The following LUC7L3 variants were observed in gnomAD, a reference collection of about 807,000 sequenced individuals.
The protein encoded by LUC7L3 is luc7-like protein 3.
A neutral mutation model predicts 66.8 loss-of-function variants in LUC7L3; 6 were observed. The observed-to-expected ratio is 0.09, with a 90% CI of 0.05 to 0.18. LUC7L3 has a LOEUF of 0.18. LUC7L3 is among the 10% of genes least tolerant of loss of function. The pLI is 1.00. For synonymous variants in LUC7L3, 160 were observed against 174.7 expected, an observed-to-expected ratio of 0.92 and a Z score of 0.66; for missense variants, 341 against 531.1, an observed-to-expected ratio of 0.64 and a Z score of 3.52.
intron 5 of LUC7L3, 132 bp downstream of exon 5, chr17:50,741,863 T>C: frequency 1.6e-6 from 1 of 630,350 alleles, no homozygotes; most frequent in South Asian, 2.2e-5. Context: ...GGCGGGAGGA[T>C]TGCTTGAGCC....
intron 1 of LUC7L3, among the ~76,000 whole-genome samples, chr17:50,725,759 A>G (rs1393225504): frequency 6.6e-6 from 1 of 152,240 alleles, no homozygotes; most frequent in Non-Finnish European, 1.5e-5. Context: ...AAAATTTAAG[A>G]AAAGATAAGT....
chr17:50,749,565 C>T (rs761356315), intron 9 of LUC7L3, among the ~76,000 whole-genome samples: 4 of 152,154 alleles, frequency 2.6e-5, no homozygotes, highest in East Asian at 1.9e-4. Flanking sequence ...TTTGGTGTTA[C>T]GTCTTCATAA....
At position 50,745,842 on chromosome 17, in the gene LUC7L3, A is replaced by G. The variant is rs1379230572; in HGVS notation, c.816A>G (p.Arg272=). The G allele has an allele frequency of 6.3e-7, 1 of 1,590,616 alleles. No individual in the cohort carries two copies. The highest frequency in any genetic ancestry group is 8.6e-7 in the Non-Finnish European group (1 of 1,162,934). Residue 272 remains arginine (R), a synonymous_variant, in exon 8 of 10, where the codon AGA becomes AGG. Transcript: ENST00000505658. ...EREREERERK[R]RREEEEREKE... is the part of the protein sequence containing the mutation. ...AAAGGGAAGAAAGAGAAAGGAAAAGACGAAGGGAAGAGGAAGAAAGAGAAA... is the reference window on the plus strand; with the variant it reads ...AAAGGGAAGAAAGAGAAAGGAAAAGGCGAAGGGAAGAGGAAGAAAGAGAAA...
At chr17:50,741,002 G>GC (rs1970316319) in intron 3 of LUC7L3, 100 bp from the exon 4 acceptor site, 1 of 1,167,198 alleles carries the variant, frequency 8.6e-7, no homozygotes, top group African/African-American at 1.5e-5. Flanking sequence ...TTACCCTGCA[G>GC]CCTAAATGGA....
intron 9 of LUC7L3, among the ~76,000 whole-genome samples, chr17:50,747,000 TTTA>T (rs2143037266): frequency 6.6e-6 from 1 of 152,240 alleles, no homozygotes; most frequent in South Asian, 2.1e-4. Flanking sequence ...AGGTGTAGGA[TTTA>T]TTATATTACC....
chr17:50,744,841 G>T, intron 7 of LUC7L3, 28 bp downstream of exon 7: 1 of 1,595,156 alleles, frequency 6.3e-7, no homozygotes, highest in Non-Finnish European at 8.6e-7. Context: ...TTTTGAGGCA[G>T]ATTCTTGCTC....
chr17:50,751,056 T>G lies in LUC7L3; in HGVS notation c.*395T>G, dbSNP rs898758662. 3 of 1,440,994 alleles carry G rather than the reference T, an allele frequency of 2.1e-6. No individual in the cohort carries two copies. The highest frequency in any genetic ancestry group is 2.7e-6 in the Non-Finnish European group (3 of 1,104,890). 89.3% of individuals were successfully genotyped at this position (1,440,994 alleles called of 1,614,324 possible). A position where few individuals can be genotyped will look rare whatever the true frequency, so the allele number is the denominator to read the frequency against. On this transcript the variant is annotated 3_prime_UTR_variant, in exon 10 of 10. Transcript: ENST00000505658. ...TTTTCTTTTTGGTATTAAGTCCATC[T>G]TGTGTTGGTACATTGGCAGAGACAT...
At chr17:50,724,335 C>G (rs963687646) in intron 1 of LUC7L3, 3 of 154,910 alleles carry the variant, frequency 1.9e-5, no homozygotes, top group African/African-American at 7.2e-5. Flanking sequence ...GCCTGGCCAA[C>G]ATGGTGAAAC....
chr17:50,737,291 A>G (rs759740792), intron 2 of LUC7L3: 13 of 569,014 alleles, frequency 2.3e-5, no homozygotes, highest in Non-Finnish European at 3.3e-5. Flanking sequence ...AAAAAGATGT[A>G]TTTGGAAGAG....
At chr17:50,730,512 C>CAAAAAAAAAAAA (rs1969518692) in intron 1 of LUC7L3, among the ~76,000 whole-genome samples, 1 of 16,692 alleles carries the variant, frequency 6.0e-5, no homozygotes, top group African/African-American at 2.6e-4. Context: ...GACTCTGTCT[C>CAAAAAAAAAAAA]CAAAAAAAAA....
Position 50,750,647 on chromosome 17 carries a change from A to T in LUC7L3, c.1285A>T (p.Thr429Ser). 6.2e-7 allele frequency: 1 copy of T among 1,614,094 alleles called. No individual in the cohort carries two copies. The highest frequency in any genetic ancestry group is 8.5e-7 in the Non-Finnish European group (1 of 1,179,990). ...TGAAGACATTAAATCTGAAGGTGAC[A>T]CTCAGTCCAATTAAAACTGATCTGA... ...TSEDIKSEGD[T>S]QSN is the part of the protein sequence containing the mutation. The change falls in exon 10 of 10, where the codon ACT becomes TCT. Residue 429 changes from threonine to serine, a missense_variant. This residue lies in a region of LUC7L3 where 210 missense variants were observed against 238.1 expected (regional missense o/e 0.88). Coordinates refer to ENST00000505658, the MANE Select transcript of LUC7L3 (RefSeq NM_016424.5).
chr17:50,733,487 C>T (rs1312136294), intron 1 of LUC7L3, among the ~76,000 whole-genome samples: 3 of 150,452 alleles, frequency 2.0e-5, no homozygotes. Flanking sequence ...CTGCAAGCTC[C>T]GCCTCCTGTG....
chr17:50,726,960 G>C (rs572716983), intron 1 of LUC7L3, among the ~76,000 whole-genome samples: 31 of 152,108 alleles, frequency 2.0e-4, no homozygotes, highest in Admixed American at 7.9e-4. Context: ...GTTGTGGCCG[G>C]TGCTTGTAAT....
rs1018534519 is a variant in LUC7L3 at position 50,754,068 on chromosome 17, C to T, written c.*3407C>T. 2 of 152,080 alleles carry T rather than the reference C, an allele frequency of 1.3e-5. No individual in the cohort carries two copies. The allele number at this position is 152,080 out of a possible 1,614,324, so 9.4% of individuals were successfully genotyped here. A position where few individuals can be genotyped will look rare whatever the true frequency, so the allele number is the denominator to read the frequency against. Reference sequence around the variant, plus strand: ...TGTTGCTAACCAGCTCACAAGAATCCAGTATTGAGACCAGTTCACTAGAAG... The same window carrying T: ...TGTTGCTAACCAGCTCACAAGAATCTAGTATTGAGACCAGTTCACTAGAAG... On this transcript the variant is annotated 3_prime_UTR_variant, in exon 10 of 10. Coordinates refer to ENST00000505658, the MANE Select transcript of LUC7L3 (RefSeq NM_016424.5).
chr17:50,749,304 G>A (rs556997138), intron 9 of LUC7L3: 232 of 1,289,200 alleles, frequency 1.8e-4, no homozygotes, highest in Middle Eastern at 2.1e-4. Context: ...CCTGTGCACC[G>A]GAGAAGCCCA....
chr17:50,734,630 G>C (rs1969859002), intron 1 of LUC7L3, among the ~76,000 whole-genome samples: 1 of 152,188 alleles, frequency 6.6e-6, no homozygotes, highest in Non-Finnish European at 1.5e-5. Context: ...GGCACTACAG[G>C]CCTGCACCAC....
chr17:50,726,302 G>A (rs994027706), intron 1 of LUC7L3, among the ~76,000 whole-genome samples: 5 of 152,156 alleles, frequency 3.3e-5, no homozygotes, highest in African/African-American at 1.2e-4. Flanking sequence ...CTCCCAGGTA[G>A]CTGGGATTAC....
intron 1 of LUC7L3, among the ~76,000 whole-genome samples, chr17:50,731,957 C>T (rs144682308): frequency 6.6e-6 from 1 of 152,282 alleles, no homozygotes; most frequent in African/African-American, 2.4e-5. Context: ...AATCCAGTGT[C>T]TTGGAAACAT....
intron 1 of LUC7L3, among the ~76,000 whole-genome samples, chr17:50,720,097 AAAG>A (rs1262429491): frequency 6.6e-6 from 1 of 152,156 alleles, no homozygotes; most frequent in Non-Finnish European, 1.5e-5. Flanking sequence ...GAAACGCGGG[AAAG>A]AAGGATAGCA....
Sources: allele counts gnomAD v4.1 joint callset (sites outside exome capture counted in the v4.1 genomes callset), GRCh38; gene constraint gnomAD v4.1.1; regional missense constraint gnomAD v4.1.1; transcripts MANE v1.5; gene names NCBI Gene and HGNC (gene_info 2026-07-23, HGNC 2026-07-21).